SNTG1: variants seen among roughly 807,000 people sequenced by gnomAD.
The protein encoded by SNTG1 is gamma-1-syntrophin.
SNTG1 carries 39 observed loss-of-function variants against 74.7 expected under a neutral mutation model. That is an observed-to-expected ratio of 0.52 (90% CI 0.40 to 0.68). The LOEUF is 0.68. Ranked by LOEUF, SNTG1 falls within the 30% of genes least tolerant of loss-of-function variation. SNTG1 has a pLI of 0.00. For synonymous variants in SNTG1, 254 were observed against 217.1 expected (o/e 1.17, Z -1.49); for missense variants, 685 against 609.5 (o/e 1.12, Z -1.30).
intron 2 of SNTG1, among the ~76,000 whole-genome samples, chr8:50,324,804 A>G (rs188911456): frequency 1.3e-5 from 2 of 151,922 alleles, no homozygotes; most frequent in South Asian, 2.1e-4. Context: ...CTCTGGTTAT[A>G]TATCTAAAAA....
At chr8:50,585,049 A>G (rs550351892) in intron 12 of SNTG1, among the ~76,000 whole-genome samples, 5 of 152,304 alleles carry the variant, frequency 3.3e-5, no homozygotes, top group Admixed American at 3.3e-4. Context: ...ATTTTCATAG[A>G]TAGAACTTAC....
At chr8:50,592,705 T>C (rs1457672498) in intron 13 of SNTG1, among the ~76,000 whole-genome samples, 2 of 152,216 alleles carry the variant, frequency 1.3e-5, no homozygotes, top group African/African-American at 2.4e-5. Context: ...GTTAATATTA[T>C]TCATTATATA....
rs1408401992 is a variant in SNTG1, at chr8:50,312,755, C to T, written c.-27-81457C>T. On this transcript the variant is annotated intron_variant, in intron 2 of 18. Coordinates refer to ENST00000642720, the MANE Select transcript of SNTG1 (RefSeq NM_018967.5). ...CATGCCTTCCAGGATTATTGTGAAACAAAAACCAGGGAACAATACAATTTC... is the reference window on the plus strand; with the variant it reads ...CATGCCTTCCAGGATTATTGTGAAATAAAAACCAGGGAACAATACAATTTC... Among the ~76,000 whole-genome samples, 2 of 149,788 alleles carry T rather than the reference C, an allele frequency of 1.3e-5. 1 individual carries two copies. Among genetic ancestry groups the T allele is most frequent in the African/African-American group, 5.0e-5 (2 of 40,062 alleles).
intron 1 of SNTG1, among the ~76,000 whole-genome samples, chr8:49,918,843 T>G (rs1227033661): frequency 1.3e-5 from 2 of 152,166 alleles, no homozygotes; most frequent in Non-Finnish European, 2.9e-5. Context: ...TTTAATTTCT[T>G]TTTTTGCTAG....
At chr8:50,160,548 T>C (rs7004088) in intron 1 of SNTG1, among the ~76,000 whole-genome samples, 65,889 of 151,796 alleles carry the variant, frequency 0.43, 18,002 homozygotes, top group African/African-American at 0.79. Flanking sequence ...ACTAGGATAG[T>C]TTCTAGGATT....
At chr8:49,915,570 G>C (rs1805956133) in intron 1 of SNTG1, among the ~76,000 whole-genome samples, 1 of 152,062 alleles carries the variant, frequency 6.6e-6, no homozygotes, top group African/African-American at 2.4e-5. Context: ...ATATCAATTG[G>C]ACAAACTTAG....
chr8:50,680,604 A>G (rs1468601930), intron 15 of SNTG1, among the ~76,000 whole-genome samples: 1 of 152,170 alleles, frequency 6.6e-6, no homozygotes, highest in Non-Finnish European at 1.5e-5. Flanking sequence ...ACTAGAGCAC[A>G]GTTACAAAAT....
At chr8:49,969,490 A>G (rs1811460834) in intron 1 of SNTG1, among the ~76,000 whole-genome samples, 1 of 132,526 alleles carries the variant, frequency 7.5e-6, no homozygotes, top group African/African-American at 3.0e-5. Context: ...TCTGCCTCCC[A>G]TGTTCAAGCA....
chr8:49,979,750 TATACTGGCTG>T (rs1368408307), intron 1 of SNTG1, among the ~76,000 whole-genome samples: 3 of 152,194 alleles, frequency 2.0e-5, no homozygotes, highest in Non-Finnish European at 2.9e-5. Context: ...CTGCTCCAGG[TATACTGGCTG>T]AATGTTCTGA....
chr8:50,617,562 T>A (rs1354386310), intron 13 of SNTG1, among the ~76,000 whole-genome samples: 2 of 152,080 alleles, frequency 1.3e-5, no homozygotes, highest in East Asian at 1.9e-4. Context: ...CAGACAAAAC[T>A]CCTCAGACAC....
chr8:49,934,284 T>G (rs1159572430), intron 1 of SNTG1, among the ~76,000 whole-genome samples: 29 of 5,586 alleles, frequency 5.2e-3, no homozygotes, highest in Non-Finnish European at 5.5e-3. Context: ...TATATAGATC[T>G]ATCTATCTAT....
intron 10 of SNTG1, among the ~76,000 whole-genome samples, chr8:50,534,759 A>C (rs2094295460): frequency 6.6e-6 from 1 of 152,168 alleles, no homozygotes; most frequent in Admixed American, 6.5e-5. Flanking sequence ...TAAGTGATAG[A>C]GTGAGACCCT....
chr8:49,933,472 CTT>C (rs145602562), intron 1 of SNTG1, among the ~76,000 whole-genome samples: 1,935 of 152,168 alleles, frequency 0.013, 41 homozygotes, highest in African/African-American at 0.043. Context: ...CCATTTTTGT[CTT>C]TGGTCCGTTT....
chr8:50,214,003 C>A (rs1204804104), intron 2 of SNTG1, among the ~76,000 whole-genome samples: 2 of 151,926 alleles, frequency 1.3e-5, no homozygotes, highest in Non-Finnish European at 2.9e-5. Context: ...AAGTCCTTCC[C>A]CATGCCTATG....
At chr8:50,466,567 A>G (rs999540667) in intron 8 of SNTG1, among the ~76,000 whole-genome samples, 2 of 152,018 alleles carry the variant, frequency 1.3e-5, no homozygotes, top group African/African-American at 4.8e-5. Flanking sequence ...TAAAATATCT[A>G]CAAAATAGCT....
intron 2 of SNTG1, among the ~76,000 whole-genome samples, chr8:50,205,511 A>G (rs978655324): frequency 1.3e-5 from 2 of 152,118 alleles, no homozygotes; most frequent in Non-Finnish European, 2.9e-5. Context: ...ATTTTCTCCC[A>G]TTCTGTAGGG....
At chr8:50,175,736 A>G (rs1405850506) in intron 2 of SNTG1, among the ~76,000 whole-genome samples, 5 of 152,224 alleles carry the variant, frequency 3.3e-5, no homozygotes, top group Admixed American at 3.3e-4. Context: ...AATTCACTTG[A>G]GGGCGGCTAT....
chr8:49,930,834 A>G (rs1184610530), intron 1 of SNTG1, among the ~76,000 whole-genome samples: 1 of 152,170 alleles, frequency 6.6e-6, no homozygotes, highest in Non-Finnish European at 1.5e-5. Context: ...TAGTAAGAAC[A>G]CTTGAAAAAA....
intron 1 of SNTG1, among the ~76,000 whole-genome samples, chr8:49,999,659 G>T (rs967134777): frequency 2.6e-5 from 4 of 151,964 alleles, no homozygotes; most frequent in Non-Finnish European, 4.4e-5. Context: ...TGTCTGCATG[G>T]CTCTCCCCAT....
Sources: allele counts gnomAD v4.1 joint callset (sites outside exome capture counted in the v4.1 genomes callset), GRCh38; gene constraint gnomAD v4.1.1; transcripts MANE v1.5; gene names NCBI Gene and HGNC (gene_info 2026-07-23, HGNC 2026-07-21).